ST18: variants seen among roughly 807,000 people sequenced by gnomAD.
The protein encoded by ST18 is suppression of tumorigenicity 18 protein.
A neutral mutation model predicts 110.0 loss-of-function variants in ST18; 50 were observed. That is an observed-to-expected ratio of 0.45 (90% confidence interval 0.36 to 0.58). The LOEUF (loss-of-function observed/expected upper bound fraction) is 0.58. ST18 is among the 20% of genes least tolerant of loss of function. ST18 has a pLI of 0.00. For synonymous variants in ST18, 461 were observed against 452.4 expected, an observed-to-expected ratio of 1.02 and a Z score of -0.24; for missense variants, 1,306 against 1,280.1, an observed-to-expected ratio of 1.02 and a Z score of -0.31.
intron 25 of ST18, among the ~76,000 whole-genome samples, chr8:52,115,276 A>G (rs1328050498): frequency 6.6e-6 from 1 of 152,240 alleles, no homozygotes; most frequent in African/African-American, 2.4e-5. Context: ...AAATTATTCT[A>G]AAAATTTAGG....
Position 52,173,191 on chromosome 8 carries a change from A to T in ST18, c.278-608T>A, listed in dbSNP as rs149195836. ...TCAAGACTTCCTGTTTACCTTTGTAATTGTCACCCTAAAATTCCATATTGA... is the reference window on the plus strand; with the variant it reads ...TCAAGACTTCCTGTTTACCTTTGTATTTGTCACCCTAAAATTCCATATTGA... On this transcript the variant is annotated intron_variant, in intron 9 of 25. Transcript: ENST00000689386. Among the ~76,000 whole-genome samples the T allele has an allele frequency of 3.1e-3, 467 of 152,310 alleles. 6 individuals carry two copies. Among genetic ancestry groups the T allele is most frequent in the South Asian group, 0.03 (145 of 4,824 alleles).
At chr8:52,332,758 G>A (rs1359086177) in intron 2 of ST18, among the ~76,000 whole-genome samples, 1 of 151,978 alleles carries the variant, frequency 6.6e-6, no homozygotes, top group East Asian at 1.9e-4. Flanking sequence ...GGCTGAGGCG[G>A]GAGAATCGCT....
At position 52,392,350 on chromosome 8, in the gene ST18, G is replaced by A. The variant is rs550393322; in HGVS notation, c.-465+16978C>T. 6.2e-4 allele frequency among the ~76,000 whole-genome samples: 95 copies of A among 152,204 alleles called. 2 individuals carry two copies. The highest frequency in any genetic ancestry group is 3.3e-3 in the Admixed American group (50 of 15,292). ...TGGTAGTAGTGGTGGTGAGGATGGTGATAAAGCAGGTGGTGATGGTGCAGG... is the reference window on the plus strand; with the variant it reads ...TGGTAGTAGTGGTGGTGAGGATGGTAATAAAGCAGGTGGTGATGGTGCAGG... On this transcript the variant is annotated intron_variant, in intron 2 of 25. Transcript: ENST00000689386.
chr8:52,119,340 G>A (rs957620939), intron 23 of ST18, among the ~76,000 whole-genome samples: 4 of 152,072 alleles, frequency 2.6e-5, no homozygotes, highest in Admixed American at 6.6e-5. Context: ...TTAAGGGTGC[G>A]GGAAGCAGGA....
intron 2 of ST18, among the ~76,000 whole-genome samples, chr8:52,262,212 TG>T (rs1216609317): frequency 2.0e-5 from 3 of 152,214 alleles, no homozygotes. Context: ...AATCCATTTA[TG>T]GGGGTGGAGC....
At chr8:52,344,634 C>T (rs1448768474) in intron 2 of ST18, among the ~76,000 whole-genome samples, 1 of 152,164 alleles carries the variant, frequency 6.6e-6, no homozygotes, top group Non-Finnish European at 1.5e-5. Context: ...CCCCTGACCT[C>T]AGGTGATCCG....
chr8:52,128,228 C>T (rs1430714453), intron 22 of ST18, among the ~76,000 whole-genome samples: 1 of 152,228 alleles, frequency 6.6e-6, no homozygotes, highest in African/African-American at 2.4e-5. Flanking sequence ...CTTGGCCTCC[C>T]AAAGTGCTGG....
At chr8:52,209,901 A>G (rs1441860467) in intron 8 of ST18, 1 of 334,414 alleles carries the variant, frequency 3.0e-6, no homozygotes, top group Non-Finnish European at 6.0e-6. Flanking sequence ...TTCTTCCCAC[A>G]AATTTGCTTC....
In ST18 at chr8:52,155,777, C is replaced by T. The variant is rs527538287; in HGVS notation, c.1806+3121G>A. On this transcript the variant is annotated intron_variant, in intron 15 of 25. Transcript: ENST00000689386. ...AGATCATTTGCAATTTTACAAAGCA[C>T]CAATTCAGATTGCCCATTAAGCTTG... Among the ~76,000 whole-genome samples the T allele has an allele frequency of 3.0e-4, 46 of 152,258 alleles. 1 individual carries two copies. In the South Asian group the frequency reaches 9.5e-3, roughly 32 times the overall value.
intron 23 of ST18, among the ~76,000 whole-genome samples, chr8:52,122,938 GAC>G (rs2045565619): frequency 6.6e-6 from 1 of 151,826 alleles, no homozygotes; most frequent in African/African-American, 2.4e-5. Context: ...CTATATTTAG[GAC>G]ACACTATTTT....
chr8:52,301,051 A>G (rs1405836307), intron 2 of ST18, among the ~76,000 whole-genome samples: 2 of 152,252 alleles, frequency 1.3e-5, no homozygotes, highest in African/African-American at 4.8e-5. Flanking sequence ...TGACATTACC[A>G]AAATGTCATC....
chr8:52,394,468 G>C (rs985033364), intron 2 of ST18, among the ~76,000 whole-genome samples: 9 of 152,156 alleles, frequency 5.9e-5, no homozygotes, highest in African/African-American at 2.2e-4. Context: ...CCCCAAAAGT[G>C]CATCCCATGA....
intron 2 of ST18, among the ~76,000 whole-genome samples, chr8:52,237,334 C>T (rs1335735072): frequency 1.3e-5 from 2 of 152,124 alleles, no homozygotes; most frequent in East Asian, 1.9e-4. Context: ...GTTAAGCATT[C>T]ATTAAAAAAT....
intron 2 of ST18, among the ~76,000 whole-genome samples, chr8:52,323,542 C>A (rs1197802244): frequency 6.6e-6 from 1 of 152,186 alleles, no homozygotes; most frequent in Non-Finnish European, 1.5e-5. Context: ...GTTTTTCCTG[C>A]TGGAGATGGT....
At chr8:52,232,169 T>C (rs1435757215) in intron 2 of ST18, among the ~76,000 whole-genome samples, 2 of 152,204 alleles carry the variant, frequency 1.3e-5, no homozygotes, top group Non-Finnish European at 2.9e-5. Context: ...TTTTAATACT[T>C]TATGATAGAA....
At chr8:52,167,269 A>G (rs907512609) in intron 10 of ST18, among the ~76,000 whole-genome samples, 1 of 152,230 alleles carries the variant, frequency 6.6e-6, no homozygotes, top group Non-Finnish European at 1.5e-5. Context: ...TTAGAGCCTC[A>G]TTATGAAAAA....
At chr8:52,180,423 T>C in intron 8 of ST18, 111 bp from the exon 9 acceptor site, 1 of 1,217,778 alleles carries the variant, frequency 8.2e-7, no homozygotes, top group South Asian at 1.4e-5. Context: ...GGACTAGAGG[T>C]TTAGGGTTGG....
chr8:52,302,488 G>A (rs532093042), intron 2 of ST18, among the ~76,000 whole-genome samples: 2 of 152,200 alleles, frequency 1.3e-5, no homozygotes, highest in African/African-American at 2.4e-5. Flanking sequence ...GAGTCTGTCC[G>A]CAGCCACACC....
intron 2 of ST18, among the ~76,000 whole-genome samples, chr8:52,392,917 A>G (rs1257716554): frequency 1.3e-5 from 2 of 152,186 alleles, no homozygotes; most frequent in Non-Finnish European, 2.9e-5. Context: ...GAGGGGACCA[A>G]TCAGAGGTAC....
Sources: gnomAD v4.1 joint callset for allele counts (sites outside exome capture counted in the v4.1 genomes callset) on GRCh38, gnomAD v4.1.1 for gene constraint, MANE v1.5 for transcripts, NCBI Gene and HGNC (gene_info 2026-07-23, HGNC 2026-07-21) for gene names.